Variants in TCF7L1 observed in about 807,000 individuals in gnomAD.
TCF7L1 encodes the protein transcription factor 7 like 1, also known as transcription factor 7-like 1.
TCF7L1 carries 18 observed loss-of-function variants against 63.7 expected under a neutral mutation model. The observed-to-expected ratio is 0.28, with a 90% CI of 0.20 to 0.42. The LOEUF (loss-of-function observed/expected upper bound fraction) is 0.42. Among genes scored for constraint, TCF7L1 ranks in the 10% least tolerant of loss-of-function variants. The pLI is 1.00. For missense variants in TCF7L1, 654 were observed against 779.3 expected (o/e 0.84, Z 1.91); for synonymous variants, 355 against 340.9 (o/e 1.04, Z -0.46).
At chr2:85,218,555 G>A (rs1482544509) in intron 3 of TCF7L1, among the ~76,000 whole-genome samples, 1 of 151,526 alleles carries the variant, frequency 6.6e-6, no homozygotes, top group African/African-American at 2.4e-5. Flanking sequence ...CACGCCCAGC[G>A]TTATCTGACT....
At chr2:85,163,076 G>A (rs574753667) in intron 3 of TCF7L1, among the ~76,000 whole-genome samples, 56 of 152,268 alleles carry the variant, frequency 3.7e-4, no homozygotes, top group African/African-American at 1.3e-3. Context: ...CTCCAAGGTC[G>A]TAGGGTCCAG....
At chr2:85,260,001 C>T (rs369871688) in intron 3 of TCF7L1, among the ~76,000 whole-genome samples, 1 of 152,156 alleles carries the variant, frequency 6.6e-6, no homozygotes, top group African/African-American at 2.4e-5. Context: ...CAGCCTCCCC[C>T]ACAACTGACC....
chr2:85,244,839 T>A (rs1680423048), intron 3 of TCF7L1, among the ~76,000 whole-genome samples: 1 of 152,132 alleles, frequency 6.6e-6, no homozygotes, highest in Non-Finnish European at 1.5e-5. Flanking sequence ...CCGTGGGCAC[T>A]ACAGCTTTTG....
intron 3 of TCF7L1, among the ~76,000 whole-genome samples, chr2:85,208,746 G>A (rs1679474278): frequency 6.6e-6 from 1 of 152,084 alleles, no homozygotes; most frequent in South Asian, 2.1e-4. Context: ...ATTCCAGGGT[G>A]GGAAAAAGAT....
intron 3 of TCF7L1, among the ~76,000 whole-genome samples, chr2:85,233,339 T>C (rs1041023978): frequency 2.7e-5 from 4 of 145,686 alleles, no homozygotes; most frequent in African/African-American, 1.0e-4. Context: ...TTTTTTTAGA[T>C]GGAGTCTCGC....
At chr2:85,153,798 A>T (rs750098041) in intron 3 of TCF7L1, among the ~76,000 whole-genome samples, 3 of 152,200 alleles carry the variant, frequency 2.0e-5, no homozygotes, top group Non-Finnish European at 4.4e-5. Flanking sequence ...TTCTTTGCAC[A>T]CAAAGTCTGC....
intron 3 of TCF7L1, among the ~76,000 whole-genome samples, chr2:85,241,138 C>T (rs1033324425): frequency 3.9e-5 from 6 of 152,182 alleles, no homozygotes; most frequent in African/African-American, 7.2e-5. Flanking sequence ...GGGAAGGGCC[C>T]GCCCAAGGTC....
At chr2:85,304,072 GCA>G in intron 6 of TCF7L1, 75 bp downstream of exon 6, 1 of 1,285,104 alleles carries the variant, frequency 7.8e-7, no homozygotes, top group Non-Finnish European at 1.1e-6. Flanking sequence ...TGCGCGCCCT[GCA>G]CAGTGGAGCC....
Position 85,241,736 on chromosome 2 carries a change from G to C in TCF7L1, c.442-41759G>C, listed in dbSNP as rs138469837. On this transcript the variant is annotated intron_variant, in intron 3 of 11. Coordinates refer to ENST00000282111, the MANE Select transcript of TCF7L1 (RefSeq NM_031283.3). ...CTGGGATTATAGGCATGAGCCATCG[G>C]GCCCAACCTGGGTACACTTTCAAGC... is the stretch of plus-strand genomic sequence containing the variant. Among the ~76,000 whole-genome samples, 318 of 152,058 alleles carry C rather than the reference G, an allele frequency of 2.1e-3. 2 individuals carry two copies. The highest frequency in any genetic ancestry group is 7.4e-3 in the African/African-American group (308 of 41,492).
intron 3 of TCF7L1, among the ~76,000 whole-genome samples, chr2:85,164,846 A>G (rs1024108110): frequency 1.3e-5 from 2 of 152,230 alleles, no homozygotes; most frequent in Non-Finnish European, 2.9e-5. Flanking sequence ...TGGTAGAGTC[A>G]TTGTAAATGT....
chr2:85,136,613 C>T (rs867737274), intron 3 of TCF7L1, among the ~76,000 whole-genome samples: 2 of 152,184 alleles, frequency 1.3e-5, no homozygotes, highest in Non-Finnish European at 2.9e-5. Context: ...CACCCCCATA[C>T]CTACATCTTG....
chr2:85,134,290 C>T lies in TCF7L1; in HGVS notation c.314-33C>T, dbSNP rs1033778937. 5.1e-6 allele frequency: 8 copies of T among 1,560,812 alleles called. No homozygotes were observed. The highest frequency in any genetic ancestry group is 6.1e-6 in the Non-Finnish European group (7 of 1,152,314). The stretch of plus-strand genomic sequence containing the variant: ...CCGCGGCGCTGTCAGTCCCGGGGGC[C>T]TGGGCCTCACCTCGCCTTGGTCTTG... On this transcript the variant is annotated intron_variant, in intron 2 of 11. Transcript: ENST00000282111. The surrounding 1 kb of genome is among the most constrained non-coding windows in gnomAD (Gnocchi z 5.0).
chr2:85,259,638 T>A (rs1230962476), intron 3 of TCF7L1, among the ~76,000 whole-genome samples: 1 of 152,242 alleles, frequency 6.6e-6, no homozygotes, highest in Non-Finnish European at 1.5e-5. Flanking sequence ...TGAAAAAATG[T>A]TGCGATTTAG....
At chr2:85,193,115 C>A (rs761449284) in intron 3 of TCF7L1, among the ~76,000 whole-genome samples, 7 of 152,184 alleles carry the variant, frequency 4.6e-5, no homozygotes, top group Non-Finnish European at 1.0e-4. Flanking sequence ...GACTGACCAC[C>A]TTTGCTGTGC....
chr2:85,203,489 G>A, intron 3 of TCF7L1, among the ~76,000 whole-genome samples: 1 of 152,142 alleles, frequency 6.6e-6, no homozygotes, highest in East Asian at 1.9e-4. Context: ...CACTTTGGGA[G>A]GCCAAGATGG....
chr2:85,309,448 A>C lies in TCF7L1; in HGVS notation c.1753A>C (p.Lys585Gln). The C allele has an allele frequency of 6.6e-7, 1 of 1,525,924 alleles. No homozygotes were observed. The allele number at this position is 1,525,924 out of a possible 1,614,324, so 94.5% of individuals were successfully genotyped here. ...GGCCCAGCCTCTTTCCCTGGTCACC[A>C]AGTCTGCCCACTAAGCTCCCCCCGA... is the stretch of plus-strand genomic sequence containing the variant. The part of the protein sequence containing the change: ...LQAQPLSLVT[K>Q]SAH The change falls in exon 12 of 12, where the codon AAG (lysine) becomes CAG (glutamine). Residue 585 changes from lysine to glutamine, a missense_variant. Physicochemically the swap from Lys to Gln is moderately conservative, Grantham distance 53 (BLOSUM62 1). Transcript: ENST00000282111.
At position 85,134,473 on chromosome 2, in the gene TCF7L1, G is replaced by C. The variant is rs1574072869; in HGVS notation, c.441+23G>C. The C allele has an allele frequency of 1.9e-6, 3 of 1,547,334 alleles. No individual in the cohort carries two copies. The highest frequency in any genetic ancestry group is 4.9e-5 in the East Asian group (2 of 40,820). ...ACCGTGAGTGCCCGTCGGGCGCGCC[G>C]GGGAGGGTGGGAGGCCGCGGCCCGC... On this transcript the variant is annotated intron_variant, in intron 3 of 11. Coordinates refer to ENST00000282111, the MANE Select transcript of TCF7L1 (RefSeq NM_031283.3). This position sits in a 1 kb window ranked among gnomAD's most constrained non-coding sequence, Gnocchi z 5.0.
At chr2:85,266,326 T>C (rs1680970543) in intron 3 of TCF7L1, among the ~76,000 whole-genome samples, 1 of 152,246 alleles carries the variant, frequency 6.6e-6, no homozygotes, top group South Asian at 2.1e-4. Flanking sequence ...AGACAGGATT[T>C]ACTAATTTAC....
Position 85,134,090 on chromosome 2 carries a change from G to A in TCF7L1, c.313+11G>A. On this transcript the variant is annotated intron_variant, in intron 2 of 11. Coordinates refer to ENST00000282111, the MANE Select transcript of TCF7L1 (RefSeq NM_031283.3). The surrounding 1 kb of genome is among the most constrained non-coding windows in gnomAD (Gnocchi z 5.0). ...ACTATTTCGCCGAAGGTATGTGCCC[G>A]CTGGGACAGCCCCCCACTCTCGATT... 6.2e-7 allele frequency: 1 copy of A among 1,608,310 alleles called. No individual in the cohort carries two copies. Among genetic ancestry groups the A allele is most frequent in the East Asian group, 2.3e-5 (1 of 44,436 alleles).
Sources: gnomAD v4.1 joint callset for allele counts (sites outside exome capture counted in the v4.1 genomes callset) on GRCh38, gnomAD v4.1.1 for gene constraint, Gnocchi (gnomAD v3.1) non-coding constraint, MANE v1.5 for transcripts, NCBI Gene and HGNC (gene_info 2026-07-23, HGNC 2026-07-21) for gene names.